Variants in CDC42BPA observed in about 807,000 individuals in gnomAD.
The protein encoded by CDC42BPA is CDC42 binding protein kinase alpha.
A neutral mutation model predicts 223.5 loss-of-function variants in CDC42BPA; 80 were observed. That is an observed-to-expected ratio of 0.36 (90% CI 0.30 to 0.43). The LOEUF (loss-of-function observed/expected upper bound fraction) is 0.43, where lower values mean the gene tolerates loss of function less well. Ranked by LOEUF, CDC42BPA falls within the 20% of genes least tolerant of loss-of-function variation. The probability of loss-of-function intolerance (pLI) is 1.00; values close to 1 mark genes in which losing one functional copy is unlikely to be tolerated. For missense variants in CDC42BPA, 1,743 were observed against 2,099.9 expected, an observed-to-expected ratio of 0.83 and a Z score of 3.32; for synonymous variants, 694 against 718.6, an observed-to-expected ratio of 0.97 and a Z score of 0.55.
intron 32 of CDC42BPA, among the ~76,000 whole-genome samples, chr1:227,019,204 T>A (rs1666902826): frequency 6.6e-6 from 1 of 152,222 alleles, no homozygotes; most frequent in Admixed American, 6.5e-5. Flanking sequence ...TTTTCAACAA[T>A]GTTCTTAACA....
chr1:227,162,850 A>G (rs1206156940), intron 5 of CDC42BPA, among the ~76,000 whole-genome samples: 1 of 121,726 alleles, frequency 8.2e-6, no homozygotes, highest in Admixed American at 7.6e-5. Context: ...AGAAAAAAAT[A>G]AAATAAAATA....
chr1:227,210,853 C>T (rs900430693), intron 3 of CDC42BPA, among the ~76,000 whole-genome samples: 5 of 152,164 alleles, frequency 3.3e-5, no homozygotes, highest in Non-Finnish European at 7.4e-5. Flanking sequence ...AGTCCAAGGC[C>T]ATGTCCTTCA....
At chr1:227,253,240 AAGAGAGCGAGAG>A (rs748822660) in intron 2 of CDC42BPA, among the ~76,000 whole-genome samples, 22 of 143,190 alleles carry the variant, frequency 1.5e-4, no homozygotes, top group Admixed American at 3.5e-4. Flanking sequence ...GAGAGAGAGA[AAGAGAGCGAGAG>A]AGAGAGCGAG....
At chr1:227,303,556 C>T (rs114111217) in intron 1 of CDC42BPA, among the ~76,000 whole-genome samples, 1 of 152,288 alleles carries the variant, frequency 6.6e-6, no homozygotes, top group African/African-American at 2.4e-5. Flanking sequence ...TGCTTCTAAA[C>T]CAGCCTCAAT....
intron 11 of CDC42BPA, among the ~76,000 whole-genome samples, chr1:227,126,326 T>C (rs1689581379): frequency 6.6e-6 from 1 of 152,148 alleles, no homozygotes; most frequent in Middle Eastern, 3.2e-3. Context: ...ACCAGCAATC[T>C]GACTCCTGAC....
At chr1:227,132,134 C>CCCCACGGTCTT (rs1657243632) in intron 10 of CDC42BPA, among the ~76,000 whole-genome samples, 1 of 152,128 alleles carries the variant, frequency 6.6e-6, no homozygotes, top group East Asian at 1.9e-4. Flanking sequence ...CTCTCCCTCT[C>CCCCACGGTCTT]CCTCTCCCCA....
intron 2 of CDC42BPA, among the ~76,000 whole-genome samples, chr1:227,231,029 A>G (rs1009804454): frequency 1.3e-5 from 2 of 151,830 alleles, no homozygotes; most frequent in Non-Finnish European, 2.9e-5. Flanking sequence ...GTACATGTGC[A>G]CAACGTGCAG....
chr1:227,103,932 TGAGAAAAA>T (rs1685467786), intron 14 of CDC42BPA, among the ~76,000 whole-genome samples: 2 of 151,968 alleles, frequency 1.3e-5, no homozygotes, highest in African/African-American at 2.4e-5. Context: ...GAAGAAACAC[TGAGAAAAA>T]CCAACAAATC....
At chr1:227,242,160 TATC>T (rs144685940) in intron 2 of CDC42BPA, among the ~76,000 whole-genome samples, 3,169 of 152,228 alleles carry the variant, frequency 0.021, 125 homozygotes, top group African/African-American at 0.072. Flanking sequence ...ATTAGCCAAA[TATC>T]ATAGTAAAAT....
chr1:227,224,264 G>T, intron 2 of CDC42BPA, among the ~76,000 whole-genome samples: 1 of 144,512 alleles, frequency 6.9e-6, no homozygotes, highest in East Asian at 2.0e-4. Flanking sequence ...ATGGAGTTTC[G>T]CTCTTGTTGC....
chr1:227,193,087 G>GTTT (rs1452125178), intron 5 of CDC42BPA, among the ~76,000 whole-genome samples: 34 of 118,500 alleles, frequency 2.9e-4, no homozygotes, highest in African/African-American at 7.2e-4. Flanking sequence ...TTTTTTTTTG[G>GTTT]AGACAGAGTC....
chr1:227,184,442 C>T (rs1050371885), intron 5 of CDC42BPA, among the ~76,000 whole-genome samples: 1 of 151,336 alleles, frequency 6.6e-6, no homozygotes, highest in African/African-American at 2.4e-5. Flanking sequence ...ATTATTTTTG[C>T]TTTTGCACCT....
intron 3 of CDC42BPA, among the ~76,000 whole-genome samples, chr1:227,203,652 T>C (rs1420457625): frequency 6.6e-6 from 1 of 152,236 alleles, no homozygotes; most frequent in Non-Finnish European, 1.5e-5. Flanking sequence ...GAAGGGCTAC[T>C]GTAGATCATA....
chr1:227,264,879 T>C, intron 1 of CDC42BPA: 2 of 1,519,210 alleles, frequency 1.3e-6, no homozygotes, highest in Admixed American at 1.7e-5. Context: ...CCTGAAGAAT[T>C]TTTCAATTCC....
chr1:227,233,069 A>G (rs1358528107), intron 2 of CDC42BPA, among the ~76,000 whole-genome samples: 1 of 152,180 alleles, frequency 6.6e-6, no homozygotes, highest in Admixed American at 6.5e-5. Context: ...CAGGTGCGGG[A>G]TATGATGTCC....
chr1:227,210,736 G>A (rs1307680778), intron 3 of CDC42BPA, among the ~76,000 whole-genome samples: 1 of 152,086 alleles, frequency 6.6e-6, no homozygotes, highest in African/African-American at 2.4e-5. Flanking sequence ...TGTTATTTCT[G>A]CTAAACAGAA....
At chr1:227,107,559 C>T (rs566669097) in intron 14 of CDC42BPA, among the ~76,000 whole-genome samples, 2 of 152,200 alleles carry the variant, frequency 1.3e-5, no homozygotes, top group East Asian at 1.9e-4. Context: ...GTAGCTGGGA[C>T]GACAGGTGCC....
intron 16 of CDC42BPA, among the ~76,000 whole-genome samples, chr1:227,083,767 G>C (rs181783764): frequency 3.9e-5 from 6 of 152,258 alleles, no homozygotes; most frequent in Non-Finnish European, 7.4e-5. Flanking sequence ...CTTGGAGACT[G>C]GGTTTCAGTC....
chr1:227,195,802 G>A (rs1208093041), intron 4 of CDC42BPA, among the ~76,000 whole-genome samples: 1 of 151,846 alleles, frequency 6.6e-6, no homozygotes, highest in African/African-American at 2.4e-5. Flanking sequence ...ATGTAGCTAA[G>A]GTATATTTAT....
Sources: allele counts gnomAD v4.1 joint callset (sites outside exome capture counted in the v4.1 genomes callset), GRCh38; gene constraint gnomAD v4.1.1; transcripts MANE v1.5; gene names NCBI Gene and HGNC (gene_info 2026-07-23, HGNC 2026-07-21).